Variants in TNFRSF21 observed in about 807,000 individuals in gnomAD.
The protein encoded by TNFRSF21 is tumor necrosis factor receptor superfamily member 21.
A neutral mutation model predicts 45.6 loss-of-function variants in TNFRSF21; 19 were observed. The observed-to-expected ratio is 0.42, with a 90% CI of 0.29 to 0.61. The LOEUF (loss-of-function observed/expected upper bound fraction) is 0.61. TNFRSF21 is among the 20% of genes least tolerant of loss of function. The pLI, the probability that TNFRSF21 is intolerant of heterozygous loss-of-function variation, is 0.23. For missense variants in TNFRSF21, 737 were observed against 851.5 expected (o/e 0.87, Z 1.67); for synonymous variants, 314 against 335.5 (o/e 0.94, Z 0.70).
intron 1 of TNFRSF21, among the ~76,000 whole-genome samples, chr6:47,303,553 G>A (rs1762901597): frequency 6.6e-6 from 1 of 152,102 alleles, no homozygotes; most frequent in African/African-American, 2.4e-5. Flanking sequence ...GATCACTACT[G>A]CTCACTGATC....
At chr6:47,264,225 A>G (rs1409562567) in intron 3 of TNFRSF21, among the ~76,000 whole-genome samples, 1 of 152,212 alleles carries the variant, frequency 6.6e-6, no homozygotes, top group Non-Finnish European at 1.5e-5. Flanking sequence ...TGAAATATAC[A>G]TTTTAAAAAT....
At chr6:47,274,873 C>A (rs927994623) in intron 3 of TNFRSF21, among the ~76,000 whole-genome samples, 1 of 152,106 alleles carries the variant, frequency 6.6e-6, no homozygotes. Flanking sequence ...ATGCAGCCAA[C>A]AGACACATGA....
Position 47,286,031 on chromosome 6 carries a change from T to G in TNFRSF21, c.661A>C (p.Thr221Pro). 1 of 1,614,044 alleles carries G rather than the reference T, an allele frequency of 6.2e-7. No homozygotes were observed. Among genetic ancestry groups the G allele is most frequent in the Non-Finnish European group, 8.5e-7 (1 of 1,179,984 alleles). ...ATGGCTGTGCCAGGGGAAGGTGAGG[T>G]GGAGCTGGAGAAGGACGGGAGTGTG... ...CGTLPSFSSS[T>P]SPSPGTAIFP... The change falls in exon 2 of 6, where the codon ACC becomes CCC. Residue 221 changes from threonine to proline, a missense_variant. Coordinates refer to ENST00000296861, the MANE Select transcript of TNFRSF21 (RefSeq NM_014452.5).
intron 1 of TNFRSF21, among the ~76,000 whole-genome samples, chr6:47,298,126 T>C (rs564677834): frequency 1.3e-5 from 2 of 152,102 alleles, no homozygotes; most frequent in East Asian, 3.9e-4. Flanking sequence ...TAAGTAAGCA[T>C]TTCCCACAGT....
chr6:47,285,890 C>A, intron 2 of TNFRSF21, 54 bp downstream of exon 2: 1 of 1,571,682 alleles, frequency 6.4e-7, no homozygotes, highest in African/African-American at 1.3e-5. Context: ...ACTCTTGGTA[C>A]CTCCACTGGG....
At chr6:47,252,567 G>A (rs1205702924) in intron 4 of TNFRSF21, among the ~76,000 whole-genome samples, 1 of 152,172 alleles carries the variant, frequency 6.6e-6, no homozygotes, top group Non-Finnish European at 1.5e-5. Context: ...ATCTTATATA[G>A]CAGACTTGAA....
In TNFRSF21 at chr6:47,251,315, G is replaced by A. The variant is rs113437012; in HGVS notation, c.1509+1941C>T. ...ACTCAAAGGCTATAGCAGAACCAAC[G>A]AGAAAGTTGTAGAGTGCTTTGACAT... On this transcript the variant is annotated intron_variant, in intron 4 of 5. Coordinates refer to ENST00000296861, the MANE Select transcript of TNFRSF21 (RefSeq NM_014452.5). Among the ~76,000 whole-genome samples the A allele has an allele frequency of 4.6e-4, 70 of 152,204 alleles. 1 individual carries two copies. The highest frequency in any genetic ancestry group is 2.5e-3 in the South Asian group (12 of 4,810).
chr6:47,263,637 G>A, intron 3 of TNFRSF21, among the ~76,000 whole-genome samples: 1 of 152,168 alleles, frequency 6.6e-6, no homozygotes, highest in Non-Finnish European at 1.5e-5. Flanking sequence ...AGTGTCGATT[G>A]CTGCCAATAG....
chr6:47,309,674 GC>G lies in TNFRSF21; in HGVS notation c.-164del. On this transcript the variant is annotated 5_prime_UTR_variant, in exon 1 of 6. Coordinates refer to ENST00000296861, the MANE Select transcript of TNFRSF21 (RefSeq NM_014452.5). ...TGCGGCCGGGCAGAGGAGGGAGGCG[GC>G]AAGGGAGGCTCTAGGGGCGCTCAGC... The G allele has an allele frequency of 9.1e-7, 1 of 1,097,574 alleles. No individual in the cohort carries two copies. The highest frequency in any genetic ancestry group is 2.3e-5 in the South Asian group (1 of 43,758). 68.0% of individuals were successfully genotyped at this position (1,097,574 alleles called of 1,614,324 possible). A position where few individuals can be genotyped will look rare whatever the true frequency, so the allele number is the denominator to read the frequency against.
intron 1 of TNFRSF21, among the ~76,000 whole-genome samples, chr6:47,301,808 C>A (rs1478339647): frequency 6.6e-6 from 1 of 152,188 alleles, no homozygotes; most frequent in East Asian, 1.9e-4. Flanking sequence ...GCCTGCAGAA[C>A]CATGAGTGAA....
Position 47,232,655 on chromosome 6 carries a change from ACACAAAC to A in TNFRSF21, c.*103_*109del. The stretch of plus-strand genomic sequence containing the variant: ...CACACACACACACACACACACACAC[ACACAAAC>A]ACACACACACACCCCAAACAACAAA... On this transcript the variant is annotated 3_prime_UTR_variant, in exon 6 of 6. Coordinates refer to ENST00000296861, the MANE Select transcript of TNFRSF21 (RefSeq NM_014452.5). 1.1e-6 allele frequency: 1 copy of A among 883,912 alleles called. No individual in the cohort carries two copies. 54.8% of individuals were successfully genotyped at this position (883,912 alleles called of 1,614,324 possible).
At chr6:47,299,340 CA>C (rs1293205109) in intron 1 of TNFRSF21, among the ~76,000 whole-genome samples, 3 of 151,854 alleles carry the variant, frequency 2.0e-5, no homozygotes, top group Non-Finnish European at 1.5e-5. Context: ...ACTAAAAATA[CA>C]AAAATTAGCC....
At chr6:47,288,984 C>T (rs1200455811) in intron 1 of TNFRSF21, among the ~76,000 whole-genome samples, 1 of 152,150 alleles carries the variant, frequency 6.6e-6, no homozygotes, top group Non-Finnish European at 1.5e-5. Context: ...TCAACAGGCA[C>T]TTAGGGGAAA....
chr6:47,279,752 C>T (rs185676322), intron 3 of TNFRSF21, among the ~76,000 whole-genome samples: 79 of 152,294 alleles, frequency 5.2e-4, no homozygotes, highest in African/African-American at 1.9e-3. Flanking sequence ...ACACTTCAAC[C>T]TCTTAACTAT....
chr6:47,234,960 C>T (rs1469583292), intron 4 of TNFRSF21, 62 bp from the exon 5 acceptor site: 1 of 983,636 alleles, frequency 1.0e-6, no homozygotes, highest in East Asian at 3.2e-5. Context: ...ATTAAAATCC[C>T]TCCTCAGAGG....
chr6:47,296,481 C>T (rs112945036), intron 1 of TNFRSF21, among the ~76,000 whole-genome samples: 14 of 152,138 alleles, frequency 9.2e-5, no homozygotes, highest in African/African-American at 3.4e-4. Flanking sequence ...AGATGATTGT[C>T]GGCTGGGGGC....
chr6:47,239,604 A>T (rs905200078), intron 4 of TNFRSF21, among the ~76,000 whole-genome samples: 1 of 152,208 alleles, frequency 6.6e-6, no homozygotes, highest in African/African-American at 2.4e-5. Context: ...TCTGTGTGGC[A>T]TGTACTTCAT....
chr6:47,295,508 T>C (rs966035480), intron 1 of TNFRSF21, among the ~76,000 whole-genome samples: 2 of 152,238 alleles, frequency 1.3e-5, no homozygotes, highest in African/African-American at 4.8e-5. Flanking sequence ...ACCGTAGAGA[T>C]GATAATGCAA....
intron 3 of TNFRSF21, among the ~76,000 whole-genome samples, chr6:47,258,031 T>C (rs1765014864): frequency 6.6e-6 from 1 of 152,106 alleles, no homozygotes; most frequent in Non-Finnish European, 1.5e-5. Context: ...CTGGCCACAG[T>C]GTGTGTGCTG....
Sources: allele counts gnomAD v4.1 joint callset (sites outside exome capture counted in the v4.1 genomes callset), GRCh38; gene constraint gnomAD v4.1.1; transcripts MANE v1.5; gene names NCBI Gene and HGNC (gene_info 2026-07-23, HGNC 2026-07-21).